QTMAN: variants seen among roughly 807,000 people sequenced by gnomAD.
The protein encoded by QTMAN is queuosine-tRNA mannosyltransferase, also known as tRNA-queuosine alpha-mannosyltransferase.
chr2:144,110,345 A>T, the QTMAN span, among the ~76,000 whole-genome samples: 130 of 152,232 alleles, frequency 8.5e-4, no homozygotes, highest in Non-Finnish European at 1.5e-3. Context: ...GAACAATGAG[A>T]ACACTTGGAC....
chr2:144,164,862 G>T, the QTMAN span, among the ~76,000 whole-genome samples: 9 of 152,130 alleles, frequency 5.9e-5, no homozygotes, highest in Non-Finnish European at 1.2e-4. Context: ...GACTGCCTTT[G>T]AAGTCCTGAA....
chr2:144,271,465 C>T, the QTMAN span, among the ~76,000 whole-genome samples: 1 of 152,180 alleles, frequency 6.6e-6, no homozygotes, highest in Non-Finnish European at 1.5e-5. Context: ...TTATCCATTT[C>T]AGAGGACTGG....
chr2:143,982,235 T>C, the QTMAN span, among the ~76,000 whole-genome samples: 1 of 150,030 alleles, frequency 6.7e-6, no homozygotes, highest in Non-Finnish European at 1.5e-5. Flanking sequence ...TCTTTCTTTC[T>C]CTTTTTTTTT....
the QTMAN span, among the ~76,000 whole-genome samples, chr2:144,312,413 A>G: frequency 6.6e-6 from 1 of 152,214 alleles, no homozygotes; most frequent in East Asian, 1.9e-4. Context: ...GGCAGGATCC[A>G]TCCAGATAAC....
At chr2:144,180,226 CT>C in the QTMAN span, among the ~76,000 whole-genome samples, 6 of 151,490 alleles carry the variant, frequency 4.0e-5, no homozygotes, top group Admixed American at 6.6e-5. Flanking sequence ...TTTTTCTTTA[CT>C]TTTTTTTTCC....
chr2:144,050,739 G>A, the QTMAN span, among the ~76,000 whole-genome samples: 2 of 151,914 alleles, frequency 1.3e-5, no homozygotes, highest in South Asian at 2.1e-4. Flanking sequence ...TTTGTCAGTA[G>A]TCAGCTGTGT....
chr2:144,109,177 G>T, the QTMAN span, among the ~76,000 whole-genome samples: 5,893 of 152,254 alleles, frequency 0.039, 158 homozygotes, highest in East Asian at 0.076. Context: ...AAACAGCATG[G>T]TACTGGTACC....
At chr2:143,993,519 G>C in the QTMAN span, among the ~76,000 whole-genome samples, 1 of 152,160 alleles carries the variant, frequency 6.6e-6, no homozygotes, top group Non-Finnish European at 1.5e-5. Flanking sequence ...CTTATAAGAG[G>C]GAAGCACAGG....
At chr2:144,101,715 TTA>T in the QTMAN span, among the ~76,000 whole-genome samples, 1 of 151,916 alleles carries the variant, frequency 6.6e-6, no homozygotes, top group Admixed American at 6.6e-5. Context: ...TCAATAAATG[TTA>T]TATATATATT....
the QTMAN span, among the ~76,000 whole-genome samples, chr2:144,185,053 G>A: frequency 1.3e-5 from 2 of 152,176 alleles, no homozygotes; most frequent in African/African-American, 2.4e-5. Flanking sequence ...AAATGATACG[G>A]TATGTGAGAA....
At chr2:143,969,571 A>G in the QTMAN span, among the ~76,000 whole-genome samples, 1 of 152,224 alleles carries the variant, frequency 6.6e-6, no homozygotes, top group Admixed American at 6.5e-5. Context: ...GAAAGAGATG[A>G]AAAAATTTAC....
the QTMAN span, among the ~76,000 whole-genome samples, chr2:144,180,816 T>C: frequency 6.6e-6 from 1 of 152,178 alleles, no homozygotes; most frequent in Non-Finnish European, 1.5e-5. Flanking sequence ...TGATCAGTGA[T>C]AGCAAATGTA....
the QTMAN span, among the ~76,000 whole-genome samples, chr2:144,294,973 T>C: frequency 1.3e-5 from 2 of 152,214 alleles, no homozygotes; most frequent in Non-Finnish European, 2.9e-5. Context: ...TCTTCAAATC[T>C]TTTGAGTATC....
chr2:144,089,345 A>T, the QTMAN span, among the ~76,000 whole-genome samples: 9 of 152,128 alleles, frequency 5.9e-5, no homozygotes, highest in Non-Finnish European at 8.8e-5. Context: ...CACTATTGGT[A>T]GGAATGTAAA....
the QTMAN span, among the ~76,000 whole-genome samples, chr2:144,267,859 A>G: frequency 6.6e-6 from 1 of 152,212 alleles, no homozygotes; most frequent in Non-Finnish European, 1.5e-5. Context: ...TCAATACATT[A>G]TACTTAATAA....
the QTMAN span, among the ~76,000 whole-genome samples, chr2:144,039,153 A>AATT: frequency 6.6e-6 from 1 of 152,206 alleles, no homozygotes; most frequent in Non-Finnish European, 1.5e-5. Context: ...CTTCCCTTAA[A>AATT]TAAGTTTTAG....
chr2:144,120,599 C>T, the QTMAN span, among the ~76,000 whole-genome samples: 2 of 152,252 alleles, frequency 1.3e-5, no homozygotes, highest in East Asian at 3.9e-4. Context: ...AAAAAGCACA[C>T]ACATTTACAC....
the QTMAN span, among the ~76,000 whole-genome samples, chr2:144,198,889 C>A: frequency 6.6e-6 from 1 of 152,130 alleles, no homozygotes. Flanking sequence ...TTTAAAGTTT[C>A]CAAACATTTC....
the QTMAN span, among the ~76,000 whole-genome samples, chr2:144,030,777 C>T: frequency 6.6e-6 from 1 of 152,156 alleles, no homozygotes; most frequent in African/African-American, 2.4e-5. Flanking sequence ...ACAAGAGGTG[C>T]TGGGCTCTCT....
Sources: allele counts gnomAD v4.1 joint callset (sites outside exome capture counted in the v4.1 genomes callset), GRCh38; gene constraint gnomAD v4.1.1; transcripts MANE v1.5; gene names NCBI Gene and HGNC (gene_info 2026-07-23, HGNC 2026-07-21).